The following DCDC1 variants were observed in gnomAD, a reference collection of about 807,000 sequenced individuals.
DCDC1 encodes the protein doublecortin domain-containing protein 1.
In DCDC1, 200 loss-of-function variants were observed where a neutral mutation model predicts 178.3. That is an observed-to-expected ratio of 1.12 (90% CI 1.00 to 1.26). The LOEUF is 1.26. DCDC1 is among the 50% of genes most tolerant of loss of function. DCDC1 has a pLI of 0.00. For missense variants in DCDC1, 1,983 were observed against 1,749.2 expected (o/e 1.13, Z -2.38); for synonymous variants, 690 against 604.8 (o/e 1.14, Z -2.07).
intron 20 of DCDC1, among the ~76,000 whole-genome samples, chr11:30,964,012 G>A (rs192264678): frequency 4.6e-5 from 7 of 152,094 alleles, no homozygotes; most frequent in Admixed American, 4.6e-4. Context: ...ACTTCTCCAA[G>A]TTCTTCAAGG....
intron 31 of DCDC1, 158 bp downstream of exon 31, chr11:30,904,803 A>G: frequency 1.2e-6 from 1 of 816,636 alleles, no homozygotes; most frequent in East Asian, 2.7e-5. Context: ...ATCAAATAAA[A>G]TGTCTTTAAG....
At chr11:30,952,957 A>C (rs1948520748) in intron 20 of DCDC1, among the ~76,000 whole-genome samples, 1 of 152,074 alleles carries the variant, frequency 6.6e-6, no homozygotes, top group African/African-American at 2.4e-5. Flanking sequence ...CATTATTAAA[A>C]GACCAACAGA....
intron 1 of DCDC1, among the ~76,000 whole-genome samples, chr11:31,361,936 A>G (rs546792866): frequency 6.6e-6 from 1 of 152,344 alleles, no homozygotes; most frequent in South Asian, 2.1e-4. Context: ...GAAACTAGAA[A>G]AACAGGATAT....
At chr11:31,106,391 T>C (rs1565290902) in intron 13 of DCDC1, among the ~76,000 whole-genome samples, 1 of 152,272 alleles carries the variant, frequency 6.6e-6, no homozygotes, top group South Asian at 2.1e-4. Flanking sequence ...TCAATTACCA[T>C]CCATTTCTCC....
chr11:31,087,742 T>G (rs1310398855), intron 17 of DCDC1, among the ~76,000 whole-genome samples: 2 of 152,150 alleles, frequency 1.3e-5, no homozygotes, highest in Non-Finnish European at 2.9e-5. Context: ...TTCATAGCCA[T>G]TATATAGACT....
In DCDC1 at chr11:31,311,100, T is replaced by C. The variant is rs183562287; in HGVS notation, c.165-3192A>G. On this transcript the variant is annotated intron_variant, in intron 3 of 38. Transcript: ENST00000684477. ...CTTCCTCTATGTGTCTCCTCATTTC[T>C]ATGCTAAATTACTTTCTTCAGTCTC... Among the ~76,000 whole-genome samples, 162 of 152,324 alleles carry C rather than the reference T, an allele frequency of 1.1e-3. 2 individuals are homozygous for C. The highest frequency in any genetic ancestry group is 3.6e-3 in the African/African-American group (150 of 41,566).
chr11:30,947,749 C>T (rs1203351760), intron 21 of DCDC1, among the ~76,000 whole-genome samples: 3 of 151,956 alleles, frequency 2.0e-5, no homozygotes, highest in African/African-American at 7.2e-5. Context: ...TCTGCAACAG[C>T]AAACGAAACA....
At chr11:30,886,910 A>G (rs1256406749) in intron 36 of DCDC1, among the ~76,000 whole-genome samples, 2 of 152,126 alleles carry the variant, frequency 1.3e-5, no homozygotes, top group Non-Finnish European at 2.9e-5. Flanking sequence ...ATTTTTCTTT[A>G]CCACTAAAAT....
intron 20 of DCDC1, among the ~76,000 whole-genome samples, chr11:30,993,777 T>C (rs1405113036): frequency 6.6e-6 from 1 of 152,170 alleles, no homozygotes; most frequent in Non-Finnish European, 1.5e-5. Flanking sequence ...GTAGTTTTAA[T>C]AGGTGTATTC....
intron 8 of DCDC1, among the ~76,000 whole-genome samples, chr11:31,247,565 G>A (rs1009171283): frequency 3.3e-5 from 5 of 151,858 alleles, no homozygotes; most frequent in Non-Finnish European, 5.9e-5. Context: ...ATCTAAAGGC[G>A]ATATTCAAAA....
rs565331440 is a variant in DCDC1 at position 31,334,945 on chromosome 11, C to T, written c.-7+502G>A. On this transcript the variant is annotated intron_variant, in intron 2 of 38. Transcript: ENST00000684477. Reference sequence around the variant, plus strand: ...CACTGTTCTCTTCAGAGCTGTCAGACGGGGACGTTTAAGTCTGCAGAAGTT... The same window carrying T: ...CACTGTTCTCTTCAGAGCTGTCAGATGGGGACGTTTAAGTCTGCAGAAGTT... Among the ~76,000 whole-genome samples, 31 of 152,270 alleles carry T rather than the reference C, an allele frequency of 2.0e-4. No individual in the cohort carries two copies. In the South Asian group the frequency reaches 3.5e-3, roughly 17 times the overall value.
At chr11:31,141,469 A>G (rs1963823164) in intron 9 of DCDC1, among the ~76,000 whole-genome samples, 1 of 152,178 alleles carries the variant, frequency 6.6e-6, no homozygotes, top group African/African-American at 2.4e-5. Flanking sequence ...GAAGTATATG[A>G]TATGTGTTAT....
chr11:31,118,944 G>A lies in DCDC1; in HGVS notation c.1485+8525C>T, dbSNP rs147252956. 5.6e-3 allele frequency among the ~76,000 whole-genome samples: 852 copies of A among 152,206 alleles called. 10 individuals are homozygous for A. Among genetic ancestry groups the A allele is most frequent in the African/African-American group, 0.019 (808 of 41,526 alleles). On this transcript the variant is annotated intron_variant, in intron 11 of 38. Transcript: ENST00000684477. Reference sequence around the variant, plus strand: ...GAAAAGGAAGATTGTATCTTCCTACGGAGATTTACACCTGACTGCAGATGC... The same window carrying A: ...GAAAAGGAAGATTGTATCTTCCTACAGAGATTTACACCTGACTGCAGATGC...
chr11:31,265,591 T>C lies in DCDC1; in HGVS notation c.970A>G (p.Thr324Ala). The C allele has an allele frequency of 8.6e-6, 12 of 1,400,558 alleles. No homozygotes were observed. The highest frequency in any genetic ancestry group is 1.8e-5 in the South Asian group (1 of 54,558). The allele number at this position is 1,400,558 out of a possible 1,614,324, so 86.8% of individuals were successfully genotyped here. ...TTTAGATTCATTCTTATTGTACAAGTATCTAAAACCTGTGCAGGAAAAAAA... is the reference window on the plus strand; with the variant it reads ...TTTAGATTCATTCTTATTGTACAAGCATCTAAAACCTGTGCAGGAAAAAAA... ...GKETMKKVLD[T>A]CTIRMNLNLP... The change falls in exon 8 of 39, where the codon ACT becomes GCT. Residue 324 changes from threonine to alanine, a missense_variant. By Grantham distance (58) the Thr-to-Ala change is moderately conservative (BLOSUM62 0). Coordinates refer to ENST00000684477, the MANE Select transcript of DCDC1 (RefSeq NM_001387274.1).
intron 3 of DCDC1, among the ~76,000 whole-genome samples, chr11:31,325,278 G>T (rs924922596): frequency 6.6e-6 from 1 of 152,072 alleles, no homozygotes; most frequent in African/African-American, 2.4e-5. Flanking sequence ...TGTCATCCAT[G>T]TCTCCAAGGC....
At chr11:30,958,809 T>A (rs1257120491) in intron 20 of DCDC1, among the ~76,000 whole-genome samples, 2 of 152,078 alleles carry the variant, frequency 1.3e-5, no homozygotes, top group Non-Finnish European at 2.9e-5. Context: ...ATGCAATAAG[T>A]CTTCCACTGA....
chr11:31,322,493 T>G (rs954772929), intron 3 of DCDC1, among the ~76,000 whole-genome samples: 1 of 152,198 alleles, frequency 6.6e-6, no homozygotes. Flanking sequence ...TCATTTCCCT[T>G]GACCCTGGCA....
At chr11:31,195,051 T>C (rs922372662) in intron 9 of DCDC1, among the ~76,000 whole-genome samples, 104 of 152,182 alleles carry the variant, frequency 6.8e-4, no homozygotes, top group African/African-American at 2.5e-3. Context: ...CTTTGGACTG[T>C]CCAGGGCTTT....
chr11:31,072,917 C>A (rs1956656679), intron 18 of DCDC1, among the ~76,000 whole-genome samples: 1 of 152,056 alleles, frequency 6.6e-6, no homozygotes, highest in African/African-American at 2.4e-5. Flanking sequence ...TTGTCTAAGG[C>A]CACACAGCTA....
Sources: allele counts gnomAD v4.1 joint callset (sites outside exome capture counted in the v4.1 genomes callset), GRCh38; gene constraint gnomAD v4.1.1; transcripts MANE v1.5; gene names NCBI Gene and HGNC (gene_info 2026-07-23, HGNC 2026-07-21).